The following LRP2 variants were observed in gnomAD, a reference collection of about 807,000 sequenced individuals.
The protein encoded by LRP2 is low-density lipoprotein receptor-related protein 2.
LRP2 carries 172 observed loss-of-function variants against 531.0 expected under a neutral mutation model. That is an observed-to-expected ratio of 0.32 (90% confidence interval 0.29 to 0.37). The LOEUF (loss-of-function observed/expected upper bound fraction) is 0.37. Ranked by LOEUF, LRP2 falls within the 10% of genes least tolerant of loss-of-function variation. The pLI is 1.00. For synonymous variants in LRP2, 1,992 were observed against 2,027.6 expected (o/e 0.98, Z 0.47); for missense variants, 5,167 against 5,868.3 (o/e 0.88, Z 3.90).
intron 1 of LRP2, among the ~76,000 whole-genome samples, chr2:169,330,361 C>G (rs1685232349): frequency 2.0e-5 from 3 of 152,172 alleles, no homozygotes; most frequent in African/African-American, 7.2e-5. Context: ...ATGAGATGTA[C>G]TACTTGAGCA....
intron 1 of LRP2, among the ~76,000 whole-genome samples, chr2:169,349,234 G>A (rs1307446968): frequency 6.6e-6 from 1 of 152,160 alleles, no homozygotes; most frequent in East Asian, 1.9e-4. Flanking sequence ...GAAAGAAGAG[G>A]TCGGGAAAGA....
intron 13 of LRP2, among the ~76,000 whole-genome samples, chr2:169,276,115 A>G (rs942736562): frequency 6.6e-6 from 1 of 152,180 alleles, no homozygotes; most frequent in African/African-American, 2.4e-5. Flanking sequence ...TGGGAAACAC[A>G]CTAAAGGGGA....
chr2:169,212,022 A>G lies in LRP2; in HGVS notation c.6226T>C (p.Phe2076Leu). The G allele has an allele frequency of 6.2e-7, 1 of 1,614,038 alleles. No individual in the cohort carries two copies. The highest frequency in any genetic ancestry group is 1.1e-5 in the South Asian group (1 of 91,082). The change falls in exon 37 of 79, where the codon TTT becomes CTT. Residue 2076 changes from phenylalanine (F) to leucine (L), a missense_variant. Coordinates refer to ENST00000649046, the MANE Select transcript of LRP2 (RefSeq NM_004525.3). ...GAATGATCTGACAATTCCAAGCTAA[A>G]GCCTCTGATTGCAGACAGCATTGAA... Reference protein sequence around the residue: ...VVSMLSAIRGFSLELSDHSET... With the variant: ...VVSMLSAIRGLSLELSDHSET...
rs114353048 is a variant in LRP2, at chr2:169,351,141, T to A, written c.79+11180A>T. 6.1e-3 allele frequency among the ~76,000 whole-genome samples: 932 copies of A among 152,352 alleles called. 8 individuals are homozygous for A. The highest frequency in any genetic ancestry group is 0.021 in the African/African-American group (889 of 41,578). On this transcript the variant is annotated intron_variant, in intron 1 of 78. Coordinates refer to ENST00000649046, the MANE Select transcript of LRP2 (RefSeq NM_004525.3). ...AAGGAGGAAGTCAGGATACACTGTGTGTGATGCTGCTAACCAGTTAAATAA... is the reference window on the plus strand; with the variant it reads ...AAGGAGGAAGTCAGGATACACTGTGAGTGATGCTGCTAACCAGTTAAATAA...
chr2:169,272,968 G>A lies in LRP2; in HGVS notation c.2075C>T (p.Thr692Ile), dbSNP rs987649457. The change falls in exon 15 of 79, where the codon ACA becomes ATA. Residue 692 changes from threonine to isoleucine, a missense_variant. Thr to Ile is a moderately conservative substitution (Grantham distance 89, BLOSUM62 -1). Transcript: ENST00000649046. Reference protein sequence around the residue: ...NDGLGFRCKCTFGFQLDTDER... With the variant: ...NDGLGFRCKCIFGFQLDTDER... Reference sequence around the variant, plus strand: ...ATCTGTATCCAGTTGGAAGCCGAATGTGCACTTGCAACGGAAACCCAAACC... The same window carrying A: ...ATCTGTATCCAGTTGGAAGCCGAATATGCACTTGCAACGGAAACCCAAACC... 3 of 1,613,742 alleles carry A rather than the reference G, an allele frequency of 1.9e-6. No homozygotes were observed. Among genetic ancestry groups the A allele is most frequent in the African/African-American group, 1.3e-5 (1 of 74,990 alleles).
chr2:169,284,224 T>A (rs1683780298), intron 9 of LRP2, among the ~76,000 whole-genome samples: 1 of 151,296 alleles, frequency 6.6e-6, no homozygotes, highest in South Asian at 2.1e-4. Flanking sequence ...AAGGCCAAGT[T>A]TCTTCTCTTT....
intron 71 of LRP2, 145 bp downstream of exon 71, chr2:169,142,529 G>A (rs1009270002): frequency 3.6e-6 from 4 of 1,118,508 alleles, no homozygotes; most frequent in Non-Finnish European, 5.3e-6. Flanking sequence ...ACTCAACTCT[G>A]TTCATACCTC....
intron 36 of LRP2, among the ~76,000 whole-genome samples, 190 bp downstream of exon 36, chr2:169,213,467 A>G (rs571774772): frequency 6.6e-6 from 1 of 152,372 alleles, no homozygotes; most frequent in South Asian, 2.1e-4. Flanking sequence ...GGCCTTTCAG[A>G]TGCCAAATTA....
chr2:169,256,900 T>C (rs975303115), intron 18 of LRP2, among the ~76,000 whole-genome samples: 1 of 152,148 alleles, frequency 6.6e-6, no homozygotes, highest in African/African-American at 2.4e-5. Context: ...TTTCTCAGAA[T>C]ACTCATGAAT....
intron 40 of LRP2, among the ~76,000 whole-genome samples, 172 bp downstream of exon 40, chr2:169,205,851 A>G (rs1688365560): frequency 1.3e-5 from 2 of 152,160 alleles, no homozygotes. Flanking sequence ...AAAGGGAGCT[A>G]TGCGCTGCAC....
intron 13 of LRP2, among the ~76,000 whole-genome samples, chr2:169,277,056 T>C (rs1373439326): frequency 6.6e-6 from 1 of 151,892 alleles, no homozygotes; most frequent in Admixed American, 6.6e-5. Context: ...TTGCCAGGCA[T>C]GGTGGTGTAT....
Position 169,152,838 on chromosome 2 carries a change from A to G in LRP2, c.12422T>C (p.Val4141Ala). 1 of 1,614,088 alleles carries G rather than the reference A, an allele frequency of 6.2e-7. No individual in the cohort carries two copies. The highest frequency in any genetic ancestry group is 8.5e-7 in the Non-Finnish European group (1 of 1,179,946). Reference sequence around the variant, plus strand: ...CACTGCTATTCCATCTGGCTGCATTACGTATTTCAGTTTCAGGTCAACTTC... The same window carrying G: ...CACTGCTATTCCATCTGGCTGCATTGCGTATTTCAGTTTCAGGTCAACTTC... ...VQEVDLKLKY[V>A]MQPDGIAVDW... Residue 4141 changes from valine to alanine, a missense_variant, in exon 67 of 79, where the codon GTA becomes GCA. Around this residue, in one of 6 missense-constraint regions of LRP2, gnomAD observed 564 missense variants for 747.7 expected, o/e 0.75. Coordinates refer to ENST00000649046, the MANE Select transcript of LRP2 (RefSeq NM_004525.3).
intron 25 of LRP2, 35 bp downstream of exon 25, chr2:169,240,953 G>A (rs756738708): frequency 1.2e-6 from 2 of 1,605,456 alleles, no homozygotes; most frequent in Non-Finnish European, 1.7e-6. Context: ...TTCAGAATGA[G>A]TTTATGGCCA....
At chr2:169,162,653 T>TA in intron 62 of LRP2, 53 bp from the exon 63 acceptor site, 1 of 1,567,498 alleles carries the variant, frequency 6.4e-7, no homozygotes, top group East Asian at 2.2e-5. Context: ...TGAAGCAAGA[T>TA]ACTTCCTTCT....
chr2:169,173,373 T>A (rs920563723), intron 56 of LRP2, 149 bp from the exon 57 acceptor site: 2 of 938,196 alleles, frequency 2.1e-6, no homozygotes, highest in Middle Eastern at 2.2e-4. Flanking sequence ...TTAGATGTGA[T>A]CTGTTTACCA....
chr2:169,237,992 AC>A, intron 27 of LRP2, 98 bp downstream of exon 27: 1 of 967,292 alleles, frequency 1.0e-6, no homozygotes, highest in South Asian at 1.3e-5. Context: ...CATGAGAGCT[AC>A]CCAGATGAGG....
chr2:169,244,965 T>A (rs753219679), intron 21 of LRP2, 33 bp from the exon 22 acceptor site: 1 of 1,613,890 alleles, frequency 6.2e-7, no homozygotes, highest in Non-Finnish European at 8.5e-7. Context: ...ATGAAGACAT[T>A]TGTTTTTACA....
At chr2:169,332,508 G>T (rs972912460) in intron 1 of LRP2, among the ~76,000 whole-genome samples, 3 of 152,144 alleles carry the variant, frequency 2.0e-5, no homozygotes, top group Non-Finnish European at 4.4e-5. Context: ...TTGCATCCTA[G>T]CCTTGGTTTA....
chr2:169,338,483 A>T (rs2105553506), intron 1 of LRP2, among the ~76,000 whole-genome samples: 1 of 152,300 alleles, frequency 6.6e-6, no homozygotes, highest in East Asian at 1.9e-4. Flanking sequence ...AAGACAAGAC[A>T]AGACAATATG....
Sources: gnomAD v4.1 joint callset for allele counts (sites outside exome capture counted in the v4.1 genomes callset) on GRCh38, gnomAD v4.1.1 for gene constraint, gnomAD v4.1.1 regional missense constraint, MANE v1.5 for transcripts, NCBI Gene and HGNC (gene_info 2026-07-23, HGNC 2026-07-21) for gene names.